The following RASAL3 variants were observed in gnomAD, a reference collection of about 807,000 sequenced individuals.
RASAL3 encodes RAS protein activator like 3.
In RASAL3, 74 loss-of-function variants were observed where a neutral mutation model predicts 105.5. That is an observed-to-expected ratio of 0.70 (90% CI 0.58 to 0.85). The LOEUF (loss-of-function observed/expected upper bound fraction) is 0.85. RASAL3 is among the 40% of genes least tolerant of loss of function. The pLI is 0.00. For missense variants in RASAL3, 1,352 were observed against 1,392.0 expected, an observed-to-expected ratio of 0.97 and a Z score of 0.46; for synonymous variants, 579 against 591.6, an observed-to-expected ratio of 0.98 and a Z score of 0.31.
Position 15,456,123 on chromosome 19 carries a change from T to G in RASAL3, c.1702A>C (p.Thr568Pro). 1 of 1,613,730 alleles carries G rather than the reference T, an allele frequency of 6.2e-7. No homozygotes were observed. The highest frequency in any genetic ancestry group is 1.1e-5 in the South Asian group (1 of 91,076). ...LRNSCEEVFETIIHSYDWFPA... is the reference protein window; with the variant it reads ...LRNSCEEVFEPIIHSYDWFPA... ...TCTCACTCGTAGGAATGGATAATGGTTTCGAAGACCTCCTCGCAGCTGTTC... is the reference window on the plus strand; with the variant it reads ...TCTCACTCGTAGGAATGGATAATGGGTTCGAAGACCTCCTCGCAGCTGTTC... Residue 568 changes from threonine (T) to proline (P), a missense_variant, in exon 11 of 18, where the codon ACC becomes CCC. Coordinates refer to ENST00000343625, the MANE Select transcript of RASAL3 (RefSeq NM_022904.3). This position sits in a 1 kb window ranked among gnomAD's most constrained non-coding sequence, Gnocchi z 4.4.
chr19:15,458,755 C>A (rs1970412612), intron 6 of RASAL3, 100 bp from the exon 7 acceptor site: 2 of 1,455,212 alleles, frequency 1.4e-6, no homozygotes, highest in African/African-American at 1.4e-5. Flanking sequence ...CAACCCAATT[C>A]GGATCCCGTT....
At chr19:15,461,963 GT>G (rs1970524483) in intron 2 of RASAL3, among the ~76,000 whole-genome samples, 1 of 152,188 alleles carries the variant, frequency 6.6e-6, no homozygotes, top group African/African-American at 2.4e-5. Context: ...CTGGGCTTCA[GT>G]CACAAGCATT....
chr19:15,459,091 T>C (rs914397687), intron 6 of RASAL3, among the ~76,000 whole-genome samples: 2 of 151,992 alleles, frequency 1.3e-5, no homozygotes, highest in African/African-American at 4.8e-5. Flanking sequence ...CCACCATGCC[T>C]GGCTAATTTT....
At chr19:15,460,449 G>C (rs556026948) in intron 5 of RASAL3, among the ~76,000 whole-genome samples, 191 bp from the exon 6 acceptor site, 2 of 152,082 alleles carry the variant, frequency 1.3e-5, no homozygotes, top group Admixed American at 6.6e-5. Context: ...ACAGGGTCTC[G>C]TGCTGTCGCC....
At chr19:15,459,774 C>T (rs542481287) in intron 6 of RASAL3, among the ~76,000 whole-genome samples, 2 of 152,298 alleles carry the variant, frequency 1.3e-5, no homozygotes, top group African/African-American at 4.8e-5. Context: ...TAGACTCAAG[C>T]AGTCTGCCCA....
In RASAL3 at chr19:15,461,544, T is replaced by C. The variant is rs1244527526; in HGVS notation, c.392A>G (p.Asn131Ser). The C allele has an allele frequency of 4.6e-6, 7 of 1,536,758 alleles. No homozygotes were observed. In the East Asian group the frequency reaches 9.6e-5, roughly 21 times the overall value. ...GCCCCCAATGTCCCAGACAGGCACGTTGGGTGTGGGGGCCTCAGGGATCTG... is the reference window on the plus strand; with the variant it reads ...GCCCCCAATGTCCCAGACAGGCACGCTGGGTGTGGGGGCCTCAGGGATCTG... The part of the protein sequence containing the change: ...TPQIPEAPTP[N>S]VPVWDIGGFT... The change falls in exon 3 of 18, where the codon AAC (asparagine) becomes AGC (serine). Residue 131 changes from asparagine (N) to serine (S), a missense_variant. Transcript: ENST00000343625.
In RASAL3 at chr19:15,451,782, C is replaced by T; in HGVS notation, c.*13G>A. 1 of 1,581,818 alleles carries T rather than the reference C, an allele frequency of 6.3e-7. No individual in the cohort carries two copies. Among genetic ancestry groups the T allele is most frequent in the South Asian group, 1.1e-5 (1 of 88,966 alleles). On this transcript the variant is annotated 3_prime_UTR_variant, in exon 18 of 18. Transcript: ENST00000343625. Reference sequence around the variant, plus strand: ...TGCTCCCAGACCACGTGTGATGAGGCAGGATGGGCAGCTCAGGTGGTGTCT... The same window carrying T: ...TGCTCCCAGACCACGTGTGATGAGGTAGGATGGGCAGCTCAGGTGGTGTCT...
Position 15,454,673 on chromosome 19 carries a change from G to A in RASAL3, c.1942C>T (p.Leu648Phe), listed in dbSNP as rs754435241. ...LTLIAKVIQNLANRAPFGEKE... is the reference protein window; with the variant it reads ...LTLIAKVIQNFANRAPFGEKE... The stretch of plus-strand genomic sequence containing the variant: ...AGCACCTACGGGGCACGGTTGGCGA[G>A]GTTCTGGATGACCTTGGCAATCAGT... Residue 648 changes from leucine (L) to phenylalanine (F), a missense_variant, in exon 12 of 18, where the codon CTC becomes TTC. By Grantham distance (22) the Leu-to-Phe change is conservative. This residue lies in a region of RASAL3 where 920 missense variants were observed against 919.6 expected (regional missense o/e 1.00). Transcript: ENST00000343625. 2 of 1,609,306 alleles carry A rather than the reference G, an allele frequency of 1.2e-6. No homozygotes were observed. Among genetic ancestry groups the A allele is most frequent in the African/African-American group, 1.3e-5 (1 of 74,840 alleles).
intron 2 of RASAL3, 27 bp from the exon 3 acceptor site, chr19:15,461,634 A>C (rs1391492372): frequency 6.7e-7 from 1 of 1,488,404 alleles, no homozygotes; most frequent in Non-Finnish European, 8.9e-7. Flanking sequence ...GCACTGGGGG[A>C]CTTAAGAGAC....
rs552618743 is a variant in RASAL3, at chr19:15,456,838, C to A, written c.1432-192G>T. The A allele has an allele frequency of 2.5e-4, 177 of 710,002 alleles. 5 individuals are homozygous for A. In the South Asian group the frequency reaches 3.3e-3, roughly 13 times the overall value. 44.0% of individuals were successfully genotyped at this position (710,002 alleles called of 1,614,324 possible). A position where few individuals can be genotyped will look rare whatever the true frequency, so the allele number is the denominator to read the frequency against. ...CCTCACAGCAGAAATTTAAGCCTTT[C>A]AGCGCTGAGGTGCAACCTGGGCCCC... On this transcript the variant is annotated intron_variant, in intron 9 of 17. Coordinates refer to ENST00000343625, the MANE Select transcript of RASAL3 (RefSeq NM_022904.3). This position sits in a 1 kb window ranked among gnomAD's most constrained non-coding sequence, Gnocchi z 4.4.
rs1430374473 is a variant in RASAL3, at chr19:15,460,961, A to C, written c.606+99T>G. The C allele has an allele frequency of 6.9e-5, 77 of 1,112,676 alleles. 1 individual carries two copies. Among genetic ancestry groups the C allele is most frequent in the South Asian group, 4.5e-4 (34 of 76,094 alleles). The allele number at this position is 1,112,676 out of a possible 1,614,324, so 68.9% of individuals were successfully genotyped here. A position where few individuals can be genotyped will look rare whatever the true frequency, so the allele number is the denominator to read the frequency against. On this transcript the variant is annotated intron_variant, in intron 5 of 17. Transcript: ENST00000343625. ...ACTCTGAGGCCCAAAGAGGGTCAGC[A>C]ACCTGCTCCAGATCACCCAGCAAGA...
chr19:15,453,559 C>T lies in RASAL3; in HGVS notation c.2280-62G>A. On this transcript the variant is annotated intron_variant, in intron 14 of 17. Coordinates refer to ENST00000343625, the MANE Select transcript of RASAL3 (RefSeq NM_022904.3). The surrounding 1 kb of genome is among the most constrained non-coding windows in gnomAD (Gnocchi z 4.2). ...GCCCCTGAGACGACCCCATCCCGACCTGACCAGAAGTGACCTCACCCCCCA... is the reference window on the plus strand; with the variant it reads ...GCCCCTGAGACGACCCCATCCCGACTTGACCAGAAGTGACCTCACCCCCCA... 6.9e-7 allele frequency: 1 copy of T among 1,440,710 alleles called. No individual in the cohort carries two copies. Among genetic ancestry groups the T allele is most frequent in the Non-Finnish European group, 9.1e-7 (1 of 1,104,858 alleles). 89.2% of individuals were successfully genotyped at this position (1,440,710 alleles called of 1,614,324 possible). A position where few individuals can be genotyped will look rare whatever the true frequency, so the allele number is the denominator to read the frequency against.
intron 6 of RASAL3, among the ~76,000 whole-genome samples, chr19:15,459,249 A>ATTTATTTATTTATT (rs1157184604): frequency 7.4e-6 from 1 of 134,710 alleles, no homozygotes; most frequent in African/African-American, 2.8e-5. Flanking sequence ...CTATTTATTT[A>ATTTATTTATTTATT]TTTATTTATT....
In RASAL3 at chr19:15,451,829, AG is replaced by A. The variant is rs1251587713; in HGVS notation, c.3001del (p.Leu1001SerfsTer58). ...TRGSWSQPQP[L>X]KAPCLNGDTT ...GTCTCCATTGAGGCAGGGTGCTTTGAGGGGCTGGGGTTGACTCCAAGACCCC... is the reference window on the plus strand; with the variant it reads ...GTCTCCATTGAGGCAGGGTGCTTTGAGGGCTGGGGTTGACTCCAAGACCCC... On this transcript the variant is annotated frameshift_variant, in exon 18 of 18. Transcript: ENST00000343625. LOFTEE classifies it high-confidence loss of function. 2.5e-6 allele frequency: 4 copies of A among 1,603,134 alleles called. No homozygotes were observed. The highest frequency in any genetic ancestry group is 3.4e-6 in the Non-Finnish European group (4 of 1,172,042).
In RASAL3 at chr19:15,452,766, A is replaced by C; in HGVS notation, c.2720T>G (p.Val907Gly). 1 of 1,563,666 alleles carries C rather than the reference A, an allele frequency of 6.4e-7. No individual in the cohort carries two copies. The highest frequency in any genetic ancestry group is 8.7e-7 in the Non-Finnish European group (1 of 1,153,728). ...EVAALREEQK[V>G]LSRLVESLST... is the part of the protein sequence containing the mutation. ...CAGCGACTCCACGAGGCGGGACAGC[A>C]CTTTCTGCTCCTCACGCAGAGCGGC... is the stretch of plus-strand genomic sequence containing the variant. The change falls in exon 16 of 18, where the codon GTG becomes GGG. Residue 907 changes from valine to glycine, a missense_variant. Val to Gly is a moderately radical substitution (Grantham distance 109). Transcript: ENST00000343625.
chr19:15,458,736 G>A (rs1970411957), intron 6 of RASAL3, 81 bp from the exon 7 acceptor site: 1 of 1,521,806 alleles, frequency 6.6e-7, no homozygotes, highest in Non-Finnish European at 8.9e-7. Context: ...GGAAGGCCAG[G>A]AAGGACTTCA....
Position 15,452,767 on chromosome 19 carries a change from C to G in RASAL3, c.2719G>C (p.Val907Leu). Residue 907 changes from valine (V) to leucine (L), a missense_variant, in exon 16 of 18, where the codon GTG becomes CTG. Physicochemically the swap from Val to Leu is conservative, Grantham distance 32. Transcript: ENST00000343625. ...AGCGACTCCACGAGGCGGGACAGCACTTTCTGCTCCTCACGCAGAGCGGCC... is the reference window on the plus strand; with the variant it reads ...AGCGACTCCACGAGGCGGGACAGCAGTTTCTGCTCCTCACGCAGAGCGGCC... ...EVAALREEQKVLSRLVESLST... is the reference protein window; with the variant it reads ...EVAALREEQKLLSRLVESLST... 3 of 1,563,698 alleles carry G rather than the reference C, an allele frequency of 1.9e-6. No individual in the cohort carries two copies. Among genetic ancestry groups the G allele is most frequent in the African/African-American group, 1.4e-5 (1 of 73,704 alleles).
chr19:15,451,904 G>T lies in RASAL3; in HGVS notation c.2927C>A (p.Ala976Asp). 6.2e-7 allele frequency: 1 copy of T among 1,608,376 alleles called. No individual in the cohort carries two copies. ...GCTCTGGACAGCATCCCTCAGCTGA[G>T]CCTGAGTTCTCTCCATCTCATTTAG... ...HRLNEMERTQ[A>D]QLRDAVQSLQ... Residue 976 changes from alanine to aspartate, a missense_variant, in exon 18 of 18, where the codon GCT becomes GAT. Physicochemically the swap from Ala to Asp is moderately radical, Grantham distance 126. This residue lies in a region of RASAL3 where 920 missense variants were observed against 919.6 expected (regional missense o/e 1.00). Coordinates refer to ENST00000343625, the MANE Select transcript of RASAL3 (RefSeq NM_022904.3).
At position 15,458,371 on chromosome 19, in the gene RASAL3, T is replaced by C. The variant is rs754840921; in HGVS notation, c.845A>G (p.Asp282Gly). The change falls in exon 8 of 18, where the codon GAC (aspartate) becomes GGC (glycine). Residue 282 changes from aspartate (D) to glycine (G), a missense_variant. Physicochemically the swap from Asp to Gly is moderately conservative, Grantham distance 94. Around this residue, in one of 3 missense-constraint regions of RASAL3, gnomAD observed 88 missense variants for 132.7 expected, o/e 0.66. Coordinates refer to ENST00000343625, the MANE Select transcript of RASAL3 (RefSeq NM_022904.3). Reference protein sequence around the residue: ...CFSCRSAAERDRWIEDLRRQF... With the variant: ...CFSCRSAAERGRWIEDLRRQF... ...GCGACGAAGGTCCTCGATCCAGCGG[T>C]CTCTCTCAGCGGCCGAGCGACAAGA... The C allele has an allele frequency of 2.5e-6, 4 of 1,613,882 alleles. No homozygotes were observed. In the South Asian group the frequency reaches 4.4e-5, roughly 18 times the overall value.
Sources: gnomAD v4.1 joint callset for allele counts (sites outside exome capture counted in the v4.1 genomes callset) on GRCh38, gnomAD v4.1.1 for gene constraint, gnomAD v4.1.1 regional missense constraint, Gnocchi (gnomAD v3.1) non-coding constraint, MANE v1.5 for transcripts, NCBI Gene and HGNC (gene_info 2026-07-23, HGNC 2026-07-21) for gene names.